The following STK32B variants were observed in gnomAD, a reference collection of about 807,000 sequenced individuals.
The protein encoded by STK32B is serine/threonine kinase 32B, also known as serine/threonine-protein kinase 32B.
In STK32B, 43 loss-of-function variants were observed where a neutral mutation model predicts 52.6. The observed-to-expected ratio is 0.82, with a 90% CI of 0.64 to 1.05. STK32B has a LOEUF of 1.05. Ranked by LOEUF, STK32B falls within the 50% of genes least tolerant of loss-of-function variation. The pLI is 0.00. For synonymous variants in STK32B, 238 were observed against 204.3 expected (o/e 1.17, Z -1.41); for missense variants, 621 against 534.6 (o/e 1.16, Z -1.59).
At position 5,313,059 on chromosome 4, in the gene STK32B, C is replaced by T. The variant is rs949090138; in HGVS notation, c.261-18161C>T. On this transcript the variant is annotated intron_variant, in intron 3 of 11. Coordinates refer to ENST00000282908, the MANE Select transcript of STK32B (RefSeq NM_018401.3). The stretch of plus-strand genomic sequence containing the variant: ...CCAACATAGCTCATGAATATAGATG[C>T]AAAAATCTCAACAAAAATATTATTA... Among the ~76,000 whole-genome samples, 8 of 150,752 alleles carry T rather than the reference C, an allele frequency of 5.3e-5. No individual in the cohort carries two copies. The East Asian group carries it at 1.6e-3, about 30-fold the overall frequency.
At chr4:5,475,124 C>A (rs1577565187) in intron 11 of STK32B, among the ~76,000 whole-genome samples, 1 of 152,088 alleles carries the variant, frequency 6.6e-6, no homozygotes, top group East Asian at 1.9e-4. Flanking sequence ...GAATTAGGGC[C>A]CGGTTTAAAA....
intron 4 of STK32B, among the ~76,000 whole-genome samples, chr4:5,388,575 A>T (rs1577431061): frequency 6.6e-6 from 1 of 152,294 alleles, no homozygotes; most frequent in African/African-American, 2.4e-5. Context: ...TCCATATGCT[A>T]CTACCATGGC....
At chr4:5,215,598 G>T (rs1406379575) in intron 3 of STK32B, among the ~76,000 whole-genome samples, 1 of 152,092 alleles carries the variant, frequency 6.6e-6, no homozygotes, top group African/African-American at 2.4e-5. Flanking sequence ...TTTATTTACA[G>T]TCATTTATAA....
intron 3 of STK32B, among the ~76,000 whole-genome samples, chr4:5,221,399 A>G (rs1723529700): frequency 6.6e-6 from 1 of 152,210 alleles, no homozygotes; most frequent in African/African-American, 2.4e-5. Context: ...GAGATAGGGA[A>G]GAGATGGACT....
intron 3 of STK32B, among the ~76,000 whole-genome samples, chr4:5,169,926 G>A (rs893681757): frequency 2.0e-5 from 3 of 151,826 alleles, no homozygotes; most frequent in African/African-American, 7.3e-5. Flanking sequence ...ACATATAACT[G>A]TATGTGTTAT....
intron 2 of STK32B, among the ~76,000 whole-genome samples, chr4:5,163,582 AAGAG>A (rs1225611623): frequency 9.9e-4 from 86 of 86,942 alleles, no homozygotes; most frequent in East Asian, 2.8e-3. Context: ...GTGTGTGTGT[AAGAG>A]AGAGAGAGAG....
At chr4:5,462,569 C>G (rs755611353) in intron 9 of STK32B, among the ~76,000 whole-genome samples, 1 of 152,164 alleles carries the variant, frequency 6.6e-6, no homozygotes. Context: ...ATCTGTGTCC[C>G]CCAAACACCT....
chr4:5,490,208 G>T (rs1227936161), intron 11 of STK32B, among the ~76,000 whole-genome samples: 1 of 151,780 alleles, frequency 6.6e-6, no homozygotes, highest in African/African-American at 2.4e-5. Flanking sequence ...CCGGGTTCAA[G>T]CAATTCTCCT....
intron 11 of STK32B, among the ~76,000 whole-genome samples, chr4:5,479,353 A>G (rs1025848292): frequency 6.6e-6 from 1 of 152,080 alleles, no homozygotes; most frequent in Non-Finnish European, 1.5e-5. Flanking sequence ...TCCCGACCTC[A>G]GGTGATCCAC....
chr4:5,043,787 G>C, the STK32B span, among the ~76,000 whole-genome samples: 1 of 152,212 alleles, frequency 6.6e-6, no homozygotes, highest in African/African-American at 2.4e-5. Context: ...TAGTCCCATG[G>C]CCACTCCCAC....
At position 5,193,662 on chromosome 4, in the gene STK32B, G is replaced by C. The variant is rs377167817; in HGVS notation, c.260+25212G>C. 9.2e-5 allele frequency among the ~76,000 whole-genome samples: 14 copies of C among 152,356 alleles called. No individual in the cohort carries two copies. The East Asian group carries it at 2.5e-3, about 27-fold the overall frequency. ...TGCAGAACAGCCCATAGCCTCAGAG[G>C]CTTCTTCACAAGTGAGATTGGGTTT... On this transcript the variant is annotated intron_variant, in intron 3 of 11. Coordinates refer to ENST00000282908, the MANE Select transcript of STK32B (RefSeq NM_018401.3).
At chr4:5,133,512 A>G (rs1387348131) in intron 1 of STK32B, among the ~76,000 whole-genome samples, 1 of 152,186 alleles carries the variant, frequency 6.6e-6, no homozygotes, top group Non-Finnish European at 1.5e-5. Flanking sequence ...AGTACTTAAC[A>G]CAGCACTACC....
chr4:5,281,067 G>A (rs28763271), intron 3 of STK32B, among the ~76,000 whole-genome samples: 5,476 of 152,182 alleles, frequency 0.036, 169 homozygotes, highest in East Asian at 0.072. Flanking sequence ...GGAAGGAGAA[G>A]CAGACACAAT....
chr4:5,175,677 G>T (rs1465080622), intron 3 of STK32B, among the ~76,000 whole-genome samples: 1 of 152,138 alleles, frequency 6.6e-6, no homozygotes, highest in Non-Finnish European at 1.5e-5. Context: ...TGTCTCAGAG[G>T]AGTACCCGGC....
chr4:5,446,261 C>T (rs1454208405), intron 6 of STK32B, among the ~76,000 whole-genome samples: 2 of 152,198 alleles, frequency 1.3e-5, no homozygotes, highest in Non-Finnish European at 2.9e-5. Flanking sequence ...ACAGGTTTTA[C>T]TGTCCAAGAA....
intron 3 of STK32B, among the ~76,000 whole-genome samples, chr4:5,308,049 A>G (rs1206428712): frequency 6.6e-6 from 1 of 152,112 alleles, no homozygotes; most frequent in African/African-American, 2.4e-5. Flanking sequence ...GAAGTGGATT[A>G]TGTGAGGGTC....
chr4:5,105,642 C>A (rs1189223369), intron 1 of STK32B, among the ~76,000 whole-genome samples: 1 of 151,992 alleles, frequency 6.6e-6, no homozygotes, highest in Non-Finnish European at 1.5e-5. Context: ...TGGCTCACTG[C>A]AAGCTCCGCC....
At chr4:5,071,363 C>T (rs1350916781) in intron 1 of STK32B, among the ~76,000 whole-genome samples, 2 of 152,118 alleles carry the variant, frequency 1.3e-5, no homozygotes, top group African/African-American at 4.8e-5. Context: ...CAAAAATATG[C>T]CTACAGATGC....
intron 11 of STK32B, among the ~76,000 whole-genome samples, chr4:5,479,205 C>T (rs532758040): frequency 4.8e-4 from 73 of 151,354 alleles, no homozygotes; most frequent in African/African-American, 1.6e-3. Context: ...CTGCAACCTC[C>T]GCCTCCCGGG....
Sources: allele counts gnomAD v4.1 joint callset (sites outside exome capture counted in the v4.1 genomes callset), GRCh38; gene constraint gnomAD v4.1.1; transcripts MANE v1.5; gene names NCBI Gene and HGNC (gene_info 2026-07-23, HGNC 2026-07-21).